The following ZMYM1 variants were observed in gnomAD, a reference collection of about 807,000 sequenced individuals.
ZMYM1 encodes zinc finger MYM-type protein 1.
ZMYM1 carries 39 observed loss-of-function variants against 60.0 expected under a neutral mutation model. The observed-to-expected ratio is 0.65, with a 90% confidence interval of 0.50 to 0.85. ZMYM1 has a LOEUF of 0.85. ZMYM1 is among the 40% of genes least tolerant of loss of function. The pLI is 0.00. For missense variants in ZMYM1, 1,171 were observed against 1,309.5 expected, an observed-to-expected ratio of 0.89 and a Z score of 1.63; for synonymous variants, 413 against 454.0, an observed-to-expected ratio of 0.91 and a Z score of 1.15.
intron 1 of ZMYM1, among the ~76,000 whole-genome samples, chr1:35,085,737 C>CT (rs779899914): frequency 6.6e-6 from 1 of 152,178 alleles, no homozygotes; most frequent in Non-Finnish European, 1.5e-5. Context: ...CCACCTAGCT[C>CT]TAATAGGGAA....
intron 1 of ZMYM1, among the ~76,000 whole-genome samples, chr1:35,090,552 C>T (rs1224975804): frequency 6.6e-6 from 1 of 152,142 alleles, no homozygotes; most frequent in Non-Finnish European, 1.5e-5. Flanking sequence ...AGAGACCTTG[C>T]TTTCGTAGTT....
intron 1 of ZMYM1, among the ~76,000 whole-genome samples, chr1:35,086,466 A>G (rs765729597): frequency 1.8e-4 from 28 of 152,002 alleles, no homozygotes; most frequent in Non-Finnish European, 3.5e-4. Flanking sequence ...ATTTATAAAA[A>G]GCAGAAAATG....
chr1:35,107,394 G>T (rs1397010924), intron 6 of ZMYM1, among the ~76,000 whole-genome samples: 2 of 151,046 alleles, frequency 1.3e-5, no homozygotes, highest in Non-Finnish European at 3.0e-5. Flanking sequence ...GCATGAACCC[G>T]GGAGGCGGAG....
chr1:35,086,018 T>C (rs1642635365), intron 1 of ZMYM1, among the ~76,000 whole-genome samples: 1 of 152,238 alleles, frequency 6.6e-6, no homozygotes, highest in Non-Finnish European at 1.5e-5. Flanking sequence ...AGCTGTGGTT[T>C]TCAGGACTGA....
At position 35,113,324 on chromosome 1, in the gene ZMYM1, C is replaced by T. The variant is rs939240953; in HGVS notation, c.1494C>T (p.His498=). Residue 498 remains histidine, a synonymous_variant, in exon 10 of 10, where the codon CAC becomes CAT. Transcript: ENST00000359858. ...GTGGAAGAGAGTCATTTGCAACCCA[C>T]GGAACTTCTAATTGGAAAAAAACCC... is the stretch of plus-strand genomic sequence containing the variant. ...FSCGRESFAT[H]GTSNWKKTLE... The T allele has an allele frequency of 5.6e-6, 9 of 1,612,790 alleles. No individual in the cohort carries two copies. The highest frequency in any genetic ancestry group is 5.3e-5 in the African/African-American group (4 of 74,808).
At position 35,104,692 on chromosome 1, in the gene ZMYM1, A is replaced by T; in HGVS notation, c.730A>T (p.Ser244Cys). 6.2e-7 allele frequency: 1 copy of T among 1,614,192 alleles called. No individual in the cohort carries two copies. The highest frequency in any genetic ancestry group is 1.1e-5 in the South Asian group (1 of 91,084). ...NCGTYCYTSSSLSHILQMEGQ... is the reference protein window; with the variant it reads ...NCGTYCYTSSCLSHILQMEGQ... ...TGGCACTTACTGTTACACCAGCTCT[A>T]GTCTGTCCCACATACTTCAGATGGA... The change falls in exon 6 of 10, where the codon AGT becomes TGT. Residue 244 changes from serine (S) to cysteine (C), a missense_variant. By Grantham distance (112) the Ser-to-Cys change is moderately radical. Transcript: ENST00000359858.
Position 35,071,300 on chromosome 1 carries a change from A to G in ZMYM1, c.-300-7694A>G, listed in dbSNP as rs535667033. Among the ~76,000 whole-genome samples, 14 of 151,022 alleles carry G rather than the reference A, an allele frequency of 9.3e-5. 1 individual carries two copies. Among genetic ancestry groups the G allele is most frequent in the Middle Eastern group, 3.4e-3 (1 of 294 alleles). On this transcript the variant is annotated intron_variant, in intron 1 of 10. Coordinates refer to the ZMYM1 transcript ENST00000417119. The stretch of plus-strand genomic sequence containing the variant: ...AATGATATTTTTGATGTGCTTTTGA[A>G]TTTAGTTTGCTGCCATTTATTTATT...
At position 35,113,369 on chromosome 1, in the gene ZMYM1, T is replaced by C. The variant is rs1387369028; in HGVS notation, c.1539T>C (p.His513=). ...AAACCCTGGAAAAATTCAGAAAGCA[T>C]GAAAAAAGTGAAATGCATTTGAAGT... ...WKKTLEKFRK[H]EKSEMHLKSL... Residue 513 remains histidine (H), a synonymous_variant, in exon 10 of 10, where the codon CAT becomes CAC. Transcript: ENST00000359858. 2.5e-6 allele frequency: 4 copies of C among 1,613,234 alleles called. No homozygotes were observed. In the African/African-American group the frequency reaches 4.0e-5, roughly 16 times the overall value.
Position 35,104,740 on chromosome 1 carries a change from A to C in ZMYM1, c.778A>C (p.Ser260Arg), listed in dbSNP as rs763353438. The C allele has an allele frequency of 1.2e-6, 2 of 1,614,078 alleles. No homozygotes were observed. The highest frequency in any genetic ancestry group is 1.7e-6 in the Non-Finnish European group (2 of 1,179,906). ...GGAAGGACAGTCTCATTACTTTAAT[A>C]GTTCAAAGAGTATTACAGCATATAA... ...QMEGQSHYFN[S>R]SKSITAYKQK... Residue 260 changes from serine (S) to arginine (R), a missense_variant, in exon 6 of 10, where the codon AGT (serine) becomes CGT (arginine). By Grantham distance (110) the Ser-to-Arg change is moderately radical. Coordinates refer to ENST00000359858, the MANE Select transcript of ZMYM1 (RefSeq NM_024772.5).
At chr1:35,094,731 C>G (rs1364808858) in intron 2 of ZMYM1, among the ~76,000 whole-genome samples, 1 of 152,108 alleles carries the variant, frequency 6.6e-6, no homozygotes, top group Non-Finnish European at 1.5e-5. Flanking sequence ...CGCCTGTAGT[C>G]TCAGCTACTT....
intron 4 of ZMYM1, among the ~76,000 whole-genome samples, chr1:35,101,088 C>A (rs2148534370): frequency 6.6e-6 from 1 of 150,994 alleles, no homozygotes; most frequent in Non-Finnish European, 1.5e-5. Flanking sequence ...TGGGCGTGAG[C>A]CACCGTACCC....
upstream of ZMYM1, among the ~76,000 whole-genome samples, chr1:35,077,104 T>C (rs1642181856): frequency 6.6e-6 from 1 of 152,124 alleles, no homozygotes; most frequent in Non-Finnish European, 1.5e-5. Flanking sequence ...GCTTGAAATA[T>C]TGGGCCAAAT....
chr1:35,074,556 A>G (rs10158061), upstream of ZMYM1, among the ~76,000 whole-genome samples: 18,549 of 150,786 alleles, frequency 0.12, 3,634 homozygotes, highest in African/African-American at 0.41. Context: ...TTACAGGCAC[A>G]CGCCACCATG....
chr1:35,115,309 TTTTCA>T lies in ZMYM1; in HGVS notation c.*56_*60del. On this transcript the variant is annotated 3_prime_UTR_variant, in exon 10 of 10. Coordinates refer to ENST00000359858, the MANE Select transcript of ZMYM1 (RefSeq NM_024772.5). ...AAAGACTTGTATTTCCATTGGGATGTTTTCATTTCAAAATTGTTCAAAATTCAAAA... is the reference window on the plus strand; with the variant it reads ...AAAGACTTGTATTTCCATTGGGATGTTTTCAAAATTGTTCAAAATTCAAAA... 6.7e-7 allele frequency: 1 copy of T among 1,488,322 alleles called. No homozygotes were observed. The highest frequency in any genetic ancestry group is 8.9e-7 in the Non-Finnish European group (1 of 1,126,674). 92.2% of individuals were successfully genotyped at this position (1,488,322 alleles called of 1,614,324 possible).
intron 3 of ZMYM1, 90 bp downstream of exon 3, chr1:35,095,981 T>G: frequency 9.9e-7 from 1 of 1,014,932 alleles, no homozygotes; most frequent in South Asian, 1.4e-5. Flanking sequence ...ATTGCTTTGT[T>G]TGTGTTGGGT....
In ZMYM1 at chr1:35,113,270, C is replaced by T; in HGVS notation, c.1440C>T (p.Cys480=). The T allele has an allele frequency of 6.2e-7, 1 of 1,612,672 alleles. No homozygotes were observed. The highest frequency in any genetic ancestry group is 1.1e-5 in the South Asian group (1 of 91,014). ...SKKDVAFCYS[C]QLFCQKYFSC... is the part of the protein sequence containing the mutation. ...AAGATGTGGCATTCTGTTATTCATG[C>T]CAGTTGTTCTGCCAAAAATATTTTA... Residue 480 remains cysteine, a synonymous_variant, in exon 10 of 10, where the codon TGC becomes TGT. Transcript: ENST00000359858.
chr1:35,069,044 G>A (rs1642025197), intron 1 of ZMYM1, among the ~76,000 whole-genome samples: 1 of 152,114 alleles, frequency 6.6e-6, no homozygotes, highest in African/African-American at 2.4e-5. Flanking sequence ...ATGTAGGCCA[G>A]GCTGATCTCA....
intron 6 of ZMYM1, among the ~76,000 whole-genome samples, chr1:35,109,019 A>AT (rs1039692312): frequency 1.3e-5 from 2 of 149,876 alleles, no homozygotes; most frequent in Non-Finnish European, 3.0e-5. Flanking sequence ...CTGATGTATT[A>AT]TTTTTTCTTT....
chr1:35,110,233 C>T (rs1570030818), intron 6 of ZMYM1, 61 bp from the exon 7 acceptor site: 4 of 1,229,676 alleles, frequency 3.3e-6, no homozygotes, highest in Non-Finnish European at 4.3e-6. Flanking sequence ...GTAATAGGTT[C>T]TTCTTCATTA....
Sources: allele counts gnomAD v4.1 joint callset (sites outside exome capture counted in the v4.1 genomes callset), GRCh38; gene constraint gnomAD v4.1.1; transcripts MANE v1.5; gene names NCBI Gene and HGNC (gene_info 2026-07-23, HGNC 2026-07-21).